The following PTPN11 variants were observed in gnomAD, a reference collection of about 807,000 sequenced individuals.
The protein encoded by PTPN11 is protein tyrosine phosphatase non-receptor type 11, also known as tyrosine-protein phosphatase non-receptor type 11.
A neutral mutation model predicts 78.8 loss-of-function variants in PTPN11; 6 were observed. The ratio of observed to expected loss-of-function variants is 0.08; its 90% CI spans 0.04 to 0.15. The LOEUF (loss-of-function observed/expected upper bound fraction) is 0.15, where lower values mean the gene tolerates loss of function less well. PTPN11 is among the 10% of genes least tolerant of loss of function. PTPN11 has a pLI of 1.00. For synonymous variants in PTPN11, 221 were observed against 263.5 expected (o/e 0.84, Z 1.56); for missense variants, 386 against 744.8 (o/e 0.52, Z 5.61).
chr12:112,442,707 C>G (rs1352767021), intron 1 of PTPN11, among the ~76,000 whole-genome samples: 2 of 150,244 alleles, frequency 1.3e-5, no homozygotes. Flanking sequence ...CTGCCTCCGC[C>G]TCCCAAAGTG....
chr12:112,461,591 A>G (rs1173523844), intron 6 of PTPN11, among the ~76,000 whole-genome samples: 1 of 152,114 alleles, frequency 6.6e-6, no homozygotes, highest in African/African-American at 2.4e-5. Context: ...CCTCCTGAGT[A>G]GCTGGGACTA....
At chr12:112,495,723 C>T (rs2038805782) in intron 13 of PTPN11, among the ~76,000 whole-genome samples, 1 of 152,180 alleles carries the variant, frequency 6.6e-6, no homozygotes, top group Admixed American at 6.5e-5. Context: ...CTTAGCCTAG[C>T]CTGCCTTGAA....
intron 13 of PTPN11, among the ~76,000 whole-genome samples, chr12:112,489,848 C>T (rs556648504): frequency 6.6e-6 from 1 of 152,284 alleles, no homozygotes; most frequent in East Asian, 1.9e-4. Context: ...GCCTGCATTA[C>T]TCTGCTCGTT....
intron 6 of PTPN11, among the ~76,000 whole-genome samples, chr12:112,465,469 C>T (rs1359076340): frequency 6.6e-6 from 1 of 151,940 alleles, no homozygotes; most frequent in African/African-American, 2.4e-5. Flanking sequence ...CTGCTGCTCC[C>T]TGTTGAGTCC....
Position 112,482,052 on chromosome 12 carries a change from C to A in PTPN11, c.1093-22C>A, listed in dbSNP as rs1361003767. ...TTTCAGAGTTCACAGAATTAACTTT[C>A]TTTTTTTCTGATCTCTTCCAGAGTA... On this transcript the variant is annotated intron_variant, in intron 9 of 15. Coordinates refer to ENST00000351677, the MANE Select transcript of PTPN11 (RefSeq NM_002834.5). The surrounding 1 kb of genome is among the most constrained non-coding windows in gnomAD (Gnocchi z 4.4). The A allele has an allele frequency of 6.5e-7, 1 of 1,545,432 alleles. No homozygotes were observed. Among genetic ancestry groups the A allele is most frequent in the Non-Finnish European group, 8.9e-7 (1 of 1,118,300 alleles).
chr12:112,496,741 C>T (rs1280442535), intron 13 of PTPN11, among the ~76,000 whole-genome samples: 1 of 152,158 alleles, frequency 6.6e-6, no homozygotes, highest in Non-Finnish European at 1.5e-5. Flanking sequence ...TTCAGAATTA[C>T]TAACCTATAC....
chr12:112,449,044 G>A (rs568183745), intron 2 of PTPN11, among the ~76,000 whole-genome samples: 19 of 151,648 alleles, frequency 1.3e-4, no homozygotes, highest in South Asian at 4.2e-4. Flanking sequence ...CTGCCACCAC[G>A]CCCAGCTAAT....
At chr12:112,439,862 G>C (rs1486535435) in intron 1 of PTPN11, among the ~76,000 whole-genome samples, 1 of 150,022 alleles carries the variant, frequency 6.7e-6, no homozygotes, top group East Asian at 1.9e-4. Context: ...CCACACCTGT[G>C]TTATATAATA....
At chr12:112,437,477 ATG>A in intron 1 of PTPN11, among the ~76,000 whole-genome samples, 2 of 152,214 alleles carry the variant, frequency 1.3e-5, no homozygotes, top group Admixed American at 1.3e-4. Flanking sequence ...TTATTCTGAT[ATG>A]TGATATGATG....
At chr12:112,474,899 G>A (rs2038475754) in intron 7 of PTPN11, among the ~76,000 whole-genome samples, 1 of 151,636 alleles carries the variant, frequency 6.6e-6, no homozygotes, top group Non-Finnish European at 1.5e-5. Flanking sequence ...CCAAAGTGTT[G>A]GGATTACAGG....
In PTPN11 at chr12:112,444,591, C is replaced by T. The variant is rs546005277; in HGVS notation, c.15-1685C>T. On this transcript the variant is annotated intron_variant, in intron 1 of 15. Coordinates refer to ENST00000351677, the MANE Select transcript of PTPN11 (RefSeq NM_002834.5). ...CCGACCTCAGGTGATCTGCCTGCCT[C>T]AGCCTCCCAAAATTCTGGGATTACA... Among the ~76,000 whole-genome samples the T allele has an allele frequency of 2.0e-3, 300 of 152,224 alleles. 6 individuals carry two copies. Among genetic ancestry groups the T allele is most frequent in the East Asian group, 5.2e-3 (27 of 5,174 alleles).
chr12:112,465,376 A>G (rs1270431422), intron 6 of PTPN11, among the ~76,000 whole-genome samples: 1 of 151,428 alleles, frequency 6.6e-6, no homozygotes, highest in Admixed American at 6.6e-5. Context: ...CAGAGGTTGC[A>G]GTGAGCTGAG....
At chr12:112,478,279 A>T (rs940287662) in intron 9 of PTPN11, among the ~76,000 whole-genome samples, 1 of 151,830 alleles carries the variant, frequency 6.6e-6, no homozygotes, top group Non-Finnish European at 1.5e-5. Flanking sequence ...GTTTCTTCAG[A>T]TACATATCCT....
chr12:112,426,884 T>C (rs2037624103), intron 1 of PTPN11, among the ~76,000 whole-genome samples: 2 of 151,742 alleles, frequency 1.3e-5, no homozygotes, highest in African/African-American at 4.8e-5. Context: ...CTATCCTCCC[T>C]CCTTGGCCTC....
chr12:112,504,752 A>G lies in PTPN11; in HGVS notation c.1770A>G (p.Lys590=). The change falls in exon 15 of 16, where the codon AAA becomes AAG. Residue 590 remains lysine (K), a synonymous_variant. Transcript: ENST00000351677. This position sits in a 1 kb window ranked among gnomAD's most constrained non-coding sequence, Gnocchi z 4.7. ...YENVGLMQQQ[K]SFR ...ACGTGGGCCTGATGCAACAGCAGAAAAGTTTCAGATGAGAAAACCTGCCAA... is the reference window on the plus strand; with the variant it reads ...ACGTGGGCCTGATGCAACAGCAGAAGAGTTTCAGATGAGAAAACCTGCCAA... 1 of 1,585,486 alleles carries G rather than the reference A, an allele frequency of 6.3e-7. No individual in the cohort carries two copies. Among genetic ancestry groups the G allele is most frequent in the Non-Finnish European group, 8.7e-7 (1 of 1,154,050 alleles).
At position 112,482,878 on chromosome 12, in the gene PTPN11, A is replaced by G. The variant is rs758707628; in HGVS notation, c.1224+673A>G. Among the ~76,000 whole-genome samples the G allele has an allele frequency of 1.3e-5, 2 of 151,982 alleles. No individual in the cohort carries two copies. Among genetic ancestry groups the G allele is most frequent in the East Asian group, 1.9e-4 (1 of 5,186 alleles). On this transcript the variant is annotated intron_variant, in intron 10 of 15. Transcript: ENST00000351677. The surrounding 1 kb of genome is among the most constrained non-coding windows in gnomAD (Gnocchi z 4.4). Reference sequence around the variant, plus strand: ...AGACACCACAAAAGCTGGAAGGAGAACTGATGTGGGCAGTGATTTGTTTTC... The same window carrying G: ...AGACACCACAAAAGCTGGAAGGAGAGCTGATGTGGGCAGTGATTTGTTTTC...
In PTPN11 at chr12:112,504,761, A is replaced by G. The variant is rs1285425386; in HGVS notation, c.1779A>G (p.Arg593=). ...TGATGCAACAGCAGAAAAGTTTCAG[A>G]TGAGAAAACCTGCCAAAACTTCAGC... ...VGLMQQQKSF[R] is the part of the protein sequence containing the mutation. The change falls in exon 15 of 16, where the codon AGA becomes AGG. Residue 593 remains arginine (R), a synonymous_variant. Transcript: ENST00000351677. The surrounding 1 kb of genome is among the most constrained non-coding windows in gnomAD (Gnocchi z 4.7). 1 of 1,576,738 alleles carries G rather than the reference A, an allele frequency of 6.3e-7. No individual in the cohort carries two copies. The highest frequency in any genetic ancestry group is 1.1e-5 in the South Asian group (1 of 90,198).
At chr12:112,492,005 C>G (rs982517155) in intron 13 of PTPN11, among the ~76,000 whole-genome samples, 4 of 152,210 alleles carry the variant, frequency 2.6e-5, no homozygotes, top group African/African-American at 9.6e-5. Flanking sequence ...CCACACCTGG[C>G]CAGTTATTAG....
At chr12:112,459,456 AGTTTTGTTTT>A (rs1176606365) in intron 6 of PTPN11, among the ~76,000 whole-genome samples, 1 of 143,156 alleles carries the variant, frequency 7.0e-6, no homozygotes, top group Non-Finnish European at 1.5e-5. Context: ...TTTGAGATAG[AGTTTTGTTTT>A]GTTTTGTTTT....
Sources: gnomAD v4.1 joint callset for allele counts (sites outside exome capture counted in the v4.1 genomes callset) on GRCh38, gnomAD v4.1.1 for gene constraint, Gnocchi (gnomAD v3.1) non-coding constraint, MANE v1.5 for transcripts, NCBI Gene and HGNC (gene_info 2026-07-23, HGNC 2026-07-21) for gene names.